GRK7: variants seen among roughly 807,000 people sequenced by gnomAD.
GRK7 encodes rhodopsin kinase GRK7.
GRK7 carries 24 observed loss-of-function variants against 34.1 expected under a neutral mutation model. The observed-to-expected ratio is 0.70, with a 90% confidence interval of 0.51 to 0.99. The LOEUF is 0.99. Ranked by LOEUF, GRK7 falls within the 50% of genes least tolerant of loss-of-function variation. The pLI is 0.00. For missense variants in GRK7, 644 were observed against 707.3 expected (o/e 0.91, Z 1.02); for synonymous variants, 256 against 279.4 (o/e 0.92, Z 0.84).
intron 4 of GRK7, among the ~76,000 whole-genome samples, chr3:141,788,097 A>G (rs2107882743): frequency 6.6e-6 from 1 of 152,370 alleles, no homozygotes; most frequent in Middle Eastern, 3.4e-3. Context: ...AATTGAATTT[A>G]GAACTTTGGA....
At chr3:141,777,658 G>T (rs1405257309) in intron 2 of GRK7, among the ~76,000 whole-genome samples, 1 of 151,724 alleles carries the variant, frequency 6.6e-6, no homozygotes, top group Admixed American at 6.6e-5. Context: ...CAGGATTTCT[G>T]CAAGCTATTC....
At position 141,795,607 on chromosome 3, in the gene GRK7, T is replaced by C. The variant is rs137940665; in HGVS notation, c.1051-12038T>C. On this transcript the variant is annotated intron_variant, in intron 4 of 5. Coordinates refer to ENST00000682958, the MANE Select transcript of GRK7 (RefSeq NM_139209.3). ...AGTTTGAACCTATTGGCAAGGGTGC[T>C]GGGGAACCGATGAAAGGTTTTTAGC... Among the ~76,000 whole-genome samples, 418 of 152,150 alleles carry C rather than the reference T, an allele frequency of 2.7e-3. 4 individuals are homozygous for C. Among genetic ancestry groups the C allele is most frequent in the African/African-American group, 9.7e-3 (403 of 41,512 alleles).
rs1283751905 is a variant in GRK7, at chr3:141,777,373, G to T, written c.-113-799G>T. Reference sequence around the variant, plus strand: ...GGAGTCTCGCTCTGTGGCCCAGACGGGAGTGCAGTGGCGCAATCTCGGCTC... The same window carrying T: ...GGAGTCTCGCTCTGTGGCCCAGACGTGAGTGCAGTGGCGCAATCTCGGCTC... On this transcript the variant is annotated intron_variant, in intron 2 of 5. Transcript: ENST00000682958. 1.6e-4 allele frequency among the ~76,000 whole-genome samples: 19 copies of T among 120,116 alleles called. No individual in the cohort carries two copies. The East Asian group carries it at 2.6e-3, about 17-fold the overall frequency. The allele number at this position is 120,116 out of a possible 152,430, so 78.8% of individuals were successfully genotyped here.
the GRK7 span, among the ~76,000 whole-genome samples, chr3:141,756,334 G>T: frequency 6.1e-5 from 8 of 131,272 alleles, no homozygotes; most frequent in African/African-American, 2.1e-4. Flanking sequence ...AAAGGTGGGG[G>T]GGTGAAAACA....
chr3:141,814,887 TTTTG>T (rs377360473), intron 5 of GRK7, among the ~76,000 whole-genome samples: 71 of 152,036 alleles, frequency 4.7e-4, no homozygotes, highest in African/African-American at 1.6e-3. Context: ...CAATATCTGT[TTTTG>T]TTTGTTTGTT....
At chr3:141,793,063 C>G (rs1222051656) in intron 4 of GRK7, among the ~76,000 whole-genome samples, 2 of 152,212 alleles carry the variant, frequency 1.3e-5, no homozygotes, top group African/African-American at 4.8e-5. Context: ...AACTTGGGAC[C>G]CTTCCAGACT....
the GRK7 span, among the ~76,000 whole-genome samples, chr3:141,753,692 C>G: frequency 1.4e-4 from 21 of 152,134 alleles, no homozygotes; most frequent in Non-Finnish European, 2.6e-4. Flanking sequence ...GCACTGGGGA[C>G]CCCTGTTTTA....
chr3:141,789,663 A>AACAAAAAAAAAAAAAAC (rs2084714150), intron 4 of GRK7, among the ~76,000 whole-genome samples: 1 of 146,770 alleles, frequency 6.8e-6, no homozygotes, highest in Non-Finnish European at 1.5e-5. Flanking sequence ...GGGCAAAAAA[A>AACAAAAAAAAAAAAAAC]AAAAAAACAC....
the GRK7 span, among the ~76,000 whole-genome samples, chr3:141,755,915 A>G: frequency 7.6e-3 from 1,159 of 152,140 alleles, 11 homozygotes; most frequent in African/African-American, 0.027. Context: ...TAAAATGTTC[A>G]TATTTATAAT....
At chr3:141,779,460 A>G (rs1170301557) in intron 3 of GRK7, among the ~76,000 whole-genome samples, 2 of 151,866 alleles carry the variant, frequency 1.3e-5, no homozygotes, top group African/African-American at 4.8e-5. Context: ...ACTTATCTTG[A>G]AGTAAGGTTG....
chr3:141,813,274 T>C (rs113233076), intron 5 of GRK7, among the ~76,000 whole-genome samples: 13 of 152,216 alleles, frequency 8.5e-5, no homozygotes, highest in African/African-American at 3.1e-4. Context: ...TATAGGCATG[T>C]GCCACCACGC....
chr3:141,778,950 G>A lies in GRK7; in HGVS notation c.612+54G>A. 6.7e-7 allele frequency: 1 copy of A among 1,488,788 alleles called. No individual in the cohort carries two copies. Among genetic ancestry groups the A allele is most frequent in the Non-Finnish European group, 9.0e-7 (1 of 1,105,944 alleles). 92.2% of individuals were successfully genotyped at this position (1,488,788 alleles called of 1,614,324 possible). The stretch of plus-strand genomic sequence containing the variant: ...AGGTGAAGCATAGAGCATGAAAGGG[G>A]GTAATGTTGCCTTTCTTTTTTTAAA... On this transcript the variant is annotated intron_variant, in intron 3 of 5. Transcript: ENST00000682958. This position sits in a 1 kb window ranked among gnomAD's most constrained non-coding sequence, Gnocchi z 4.1.
In GRK7 at chr3:141,781,254, G is replaced by A. The variant is rs549222052; in HGVS notation, c.1050+443G>A. Among the ~76,000 whole-genome samples the A allele has an allele frequency of 1.8e-4, 27 of 152,234 alleles. No homozygotes were observed. The South Asian group carries it at 4.1e-3, about 23-fold the overall frequency. ...AATCAGATAAGAAAAAGAATGATCC[G>A]GCTGGGTGTGATGGCTCACGCCTGT... On this transcript the variant is annotated intron_variant, in intron 4 of 5. Coordinates refer to ENST00000682958, the MANE Select transcript of GRK7 (RefSeq NM_139209.3).
At chr3:141,783,510 G>A (rs1391809313) in intron 4 of GRK7, among the ~76,000 whole-genome samples, 1 of 152,184 alleles carries the variant, frequency 6.6e-6, no homozygotes, top group Non-Finnish European at 1.5e-5. Context: ...ATTTCAGGGA[G>A]GAAAGTGTGG....
At chr3:141,808,643 G>T (rs1451660073) in intron 5 of GRK7, among the ~76,000 whole-genome samples, 1 of 152,122 alleles carries the variant, frequency 6.6e-6, no homozygotes, top group East Asian at 1.9e-4. Context: ...AACCCAGGGA[G>T]CAGAGGTTGC....
chr3:141,757,148 T>TTTC, the GRK7 span, among the ~76,000 whole-genome samples: 1 of 115,284 alleles, frequency 8.7e-6, no homozygotes, highest in Non-Finnish European at 1.8e-5. Flanking sequence ...TTTTTTTTTC[T>TTTC]TTTTTTTTTT....
At chr3:141,784,231 G>T (rs2084685409) in intron 4 of GRK7, among the ~76,000 whole-genome samples, 1 of 152,146 alleles carries the variant, frequency 6.6e-6, no homozygotes, top group Non-Finnish European at 1.5e-5. Context: ...GTGCAGGAAG[G>T]TTTCTGTGCC....
chr3:141,783,030 T>A (rs1577915850), intron 4 of GRK7, among the ~76,000 whole-genome samples: 1 of 152,198 alleles, frequency 6.6e-6, no homozygotes, highest in Non-Finnish European at 1.5e-5. Context: ...ATCTTTATAA[T>A]TCTAGCCTTT....
At position 141,777,322 on chromosome 3, in the gene GRK7, C is replaced by CTTTTTTTTTTTTTTTTTTTTTTTTTTTT. The variant is rs770173065; in HGVS notation, c.-113-830_-113-829insTTTTTTTTTTTTTTTTTTTTTTTTTTTT. Among the ~76,000 whole-genome samples the CTTTTTTTTTTTTTTTTTTTTTTTTTTTT allele has an allele frequency of 1.9e-4, 10 of 52,876 alleles. 4 individuals carry two copies. Among genetic ancestry groups the CTTTTTTTTTTTTTTTTTTTTTTTTTTTT allele is most frequent in the Non-Finnish European group, 2.7e-4 (8 of 29,488 alleles). The allele number at this position is 52,876 out of a possible 152,430, so 34.7% of individuals were successfully genotyped here. ...TATGTTTTGGGTGGAGATGGCCCCT[C>CTTTTTTTTTTTTTTTTTTTTTTTTTTTT]TTTTTTTTTTTTTTTTTTTTGAGAC... On this transcript the variant is annotated intron_variant, in intron 2 of 5. Transcript: ENST00000682958.
Sources: allele counts gnomAD v4.1 joint callset (sites outside exome capture counted in the v4.1 genomes callset), GRCh38; gene constraint gnomAD v4.1.1; non-coding constraint Gnocchi (gnomAD v3.1); transcripts MANE v1.5; gene names NCBI Gene and HGNC (gene_info 2026-07-23, HGNC 2026-07-21).